The following KCNMA1 variants were observed in gnomAD, a reference collection of about 807,000 sequenced individuals.
KCNMA1 encodes the protein Calcium-activated potassium channel subunit alpha-1.
KCNMA1 carries 29 observed loss-of-function variants against 140.0 expected under a neutral mutation model. The ratio of observed to expected loss-of-function variants is 0.21; its 90% confidence interval spans 0.15 to 0.28. KCNMA1 has a LOEUF of 0.28. Ranked by LOEUF, KCNMA1 falls within the 10% of genes least tolerant of loss-of-function variation. The pLI, the probability that KCNMA1 is intolerant of heterozygous loss-of-function variation, is 1.00. For synonymous variants in KCNMA1, 612 were observed against 611.9 expected (o/e 1.00, Z 0.00); for missense variants, 880 against 1,602.2 (o/e 0.55, Z 7.70).
At chr10:77,059,461 T>C (rs2095659216) in intron 14 of KCNMA1, among the ~76,000 whole-genome samples, 1 of 152,000 alleles carries the variant, frequency 6.6e-6, no homozygotes, top group South Asian at 2.1e-4. Context: ...ATAAAAATAT[T>C]AACAAACCAA....
At chr10:77,084,742 C>G in intron 11 of KCNMA1, 23 bp from the exon 12 acceptor site, 1 of 1,546,982 alleles carries the variant, frequency 6.5e-7, no homozygotes, top group Non-Finnish European at 8.9e-7. Context: ...AAGGAAAATT[C>G]ACAGAACACA....
intron 2 of KCNMA1, among the ~76,000 whole-genome samples, chr10:77,325,233 C>T (rs1259692485): frequency 6.6e-6 from 1 of 152,160 alleles, no homozygotes; most frequent in African/African-American, 2.4e-5. Flanking sequence ...ATCCTCTTGG[C>T]ACCAGCTGTG....
intron 3 of KCNMA1, among the ~76,000 whole-genome samples, chr10:77,246,669 T>C (rs1464101679): frequency 6.6e-6 from 1 of 152,230 alleles, no homozygotes; most frequent in Admixed American, 6.5e-5. Flanking sequence ...GCAATTTTAC[T>C]GCCTGGAAAA....
chr10:77,020,219 G>A (rs193030754), intron 16 of KCNMA1: 1 of 152,230 alleles, frequency 6.6e-6, no homozygotes, highest in Non-Finnish European at 1.5e-5. Flanking sequence ...AAAATATAGA[G>A]GATGGTAATT....
rs186146999 is a variant in KCNMA1 at position 77,445,584 on chromosome 10, A to G, written c.379-41561T>C. On this transcript the variant is annotated intron_variant, in intron 1 of 27. Transcript: ENST00000286628. ...GAGTAATTGTTATTTTAGCGATGCA[A>G]TGTTTCCTAATAAGACCAAGCATTG... Among the ~76,000 whole-genome samples the G allele has an allele frequency of 1.1e-4, 16 of 152,212 alleles. 1 individual carries two copies. The highest frequency in any genetic ancestry group is 3.1e-4 in the African/African-American group (13 of 41,530).
intron 20 of KCNMA1, among the ~76,000 whole-genome samples, chr10:76,963,842 C>T (rs2072743563): frequency 6.6e-6 from 1 of 152,074 alleles, no homozygotes; most frequent in South Asian, 2.1e-4. Context: ...GTCACTAAGA[C>T]CTTGAGCACA....
intron 20 of KCNMA1, among the ~76,000 whole-genome samples, chr10:76,957,597 G>T (rs1240847505): frequency 1.3e-5 from 2 of 152,198 alleles, no homozygotes; most frequent in African/African-American, 4.8e-5. Flanking sequence ...GTGAGCATAT[G>T]CATATAAAGG....
chr10:77,263,776 C>T (rs1449345753), intron 2 of KCNMA1, among the ~76,000 whole-genome samples: 1 of 152,140 alleles, frequency 6.6e-6, no homozygotes, highest in Non-Finnish European at 1.5e-5. Context: ...ACATTCCTGG[C>T]ACCAAACATG....
At chr10:77,117,075 A>G (rs148321347) in intron 6 of KCNMA1, among the ~76,000 whole-genome samples, 48 of 152,290 alleles carry the variant, frequency 3.2e-4, no homozygotes, top group African/African-American at 1.1e-3. Context: ...ACGCCTCCCA[A>G]AACCATATTG....
chr10:77,303,473 C>T (rs1215367389), intron 2 of KCNMA1, among the ~76,000 whole-genome samples: 1 of 152,100 alleles, frequency 6.6e-6, no homozygotes, highest in African/African-American at 2.4e-5. Context: ...ACAGAGTATA[C>T]CTGATTTTCT....
At chr10:77,512,520 G>A (rs2048759626) in intron 1 of KCNMA1, among the ~76,000 whole-genome samples, 1 of 152,090 alleles carries the variant, frequency 6.6e-6, no homozygotes, top group Admixed American at 6.5e-5. Context: ...AGTATATACA[G>A]GTATCGGTAC....
chr10:77,120,792 C>T (rs1288208866), intron 6 of KCNMA1, among the ~76,000 whole-genome samples, 181 bp downstream of exon 6: 1 of 152,126 alleles, frequency 6.6e-6, no homozygotes, highest in Non-Finnish European at 1.5e-5. Flanking sequence ...AGTTCCCTGG[C>T]CCTGCAGAAG....
intron 1 of KCNMA1, among the ~76,000 whole-genome samples, chr10:77,498,242 A>G (rs991845833): frequency 6.6e-6 from 1 of 152,238 alleles, no homozygotes; most frequent in South Asian, 2.1e-4. Flanking sequence ...AGGGCTGAAC[A>G]GGGAGGTGAG....
chr10:76,893,101 G>A (rs1285439120), intron 25 of KCNMA1, among the ~76,000 whole-genome samples: 1 of 152,108 alleles, frequency 6.6e-6, no homozygotes, highest in African/African-American at 2.4e-5. Context: ...TGGGCTGAGG[G>A]GTTTAATGCT....
At chr10:77,012,402 G>A (rs1327225955) in intron 17 of KCNMA1, 1 of 1,539,658 alleles carries the variant, frequency 6.5e-7, no homozygotes, top group Non-Finnish European at 8.8e-7. Context: ...GCCCTTGGTG[G>A]GGAAGTTAAA....
chr10:77,142,972 C>A (rs998395120), intron 5 of KCNMA1, among the ~76,000 whole-genome samples: 1 of 152,096 alleles, frequency 6.6e-6, no homozygotes, highest in Admixed American at 6.5e-5. Context: ...AGGCAGTTTC[C>A]ACTGCAGAAT....
intron 1 of KCNMA1, among the ~76,000 whole-genome samples, chr10:77,468,572 G>A (rs1373555944): frequency 6.6e-6 from 1 of 152,200 alleles, no homozygotes; most frequent in Non-Finnish European, 1.5e-5. Flanking sequence ...GGGAGAAGAA[G>A]GCAGTCTTCC....
intron 18 of KCNMA1, among the ~76,000 whole-genome samples, chr10:77,009,866 G>A (rs1298097689): frequency 3.9e-5 from 6 of 152,068 alleles, no homozygotes; most frequent in Non-Finnish European, 7.4e-5. Flanking sequence ...TCAACCCTCA[G>A]GCAGTCTCTT....
intron 1 of KCNMA1, among the ~76,000 whole-genome samples, chr10:77,487,475 A>T (rs1272514982): frequency 1.3e-5 from 2 of 152,192 alleles, no homozygotes; most frequent in Non-Finnish European, 2.9e-5. Flanking sequence ...AAAGAGAGAG[A>T]GAGACACTAT....
Sources: gnomAD v4.1 joint callset for allele counts (sites outside exome capture counted in the v4.1 genomes callset) on GRCh38, gnomAD v4.1.1 for gene constraint, MANE v1.5 for transcripts, NCBI Gene and HGNC (gene_info 2026-07-23, HGNC 2026-07-21) for gene names.